BRINP2: variants seen among roughly 807,000 people sequenced by gnomAD.
BRINP2 encodes BMP/retinoic acid inducible neural specific 2.
Under a neutral mutation model 69.2 loss-of-function variants are expected in BRINP2, and 21 were observed. The ratio of observed to expected loss-of-function variants is 0.30; its 90% CI spans 0.22 to 0.44. The LOEUF (loss-of-function observed/expected upper bound fraction) is 0.44, where lower values mean the gene tolerates loss of function less well. Ranked by LOEUF, BRINP2 falls within the 20% of genes least tolerant of loss-of-function variation. BRINP2 has a pLI of 1.00. For synonymous variants in BRINP2, 380 were observed against 394.1 expected, an observed-to-expected ratio of 0.96 and a Z score of 0.42; for missense variants, 877 against 986.0, an observed-to-expected ratio of 0.89 and a Z score of 1.48.
chr1:177,215,346 A>G (rs1649344992), intron 1 of BRINP2, among the ~76,000 whole-genome samples: 1 of 152,220 alleles, frequency 6.6e-6, no homozygotes, highest in African/African-American at 2.4e-5. Flanking sequence ...TTTGAGTAGT[A>G]TGGACATTTT....
intron 4 of BRINP2, among the ~76,000 whole-genome samples, chr1:177,271,714 C>G (rs1270148927): frequency 6.6e-6 from 1 of 152,204 alleles, no homozygotes; most frequent in Non-Finnish European, 1.5e-5. Flanking sequence ...CCTGCTGCCT[C>G]TCATGCTCTG....
At chr1:177,215,064 C>T (rs1558162339) in intron 1 of BRINP2, among the ~76,000 whole-genome samples, 1 of 152,180 alleles carries the variant, frequency 6.6e-6, no homozygotes. Flanking sequence ...CCCAGTCTCC[C>T]CAGTCTTCAG....
chr1:177,260,931 A>G lies in BRINP2; in HGVS notation c.669+3547A>G, dbSNP rs535044686. Among the ~76,000 whole-genome samples the G allele has an allele frequency of 1.4e-4, 21 of 152,324 alleles. No homozygotes were observed. In the South Asian group the frequency reaches 4.1e-3, roughly 30 times the overall value. Reference sequence around the variant, plus strand: ...CATAATATCTCTGAGGTACACCTGTATAATGCCAGGTGGGATGAATGGTAT... The same window carrying G: ...CATAATATCTCTGAGGTACACCTGTGTAATGCCAGGTGGGATGAATGGTAT... On this transcript the variant is annotated intron_variant, in intron 4 of 7. Transcript: ENST00000361539.
At chr1:177,200,915 G>T (rs961205129) in intron 1 of BRINP2, among the ~76,000 whole-genome samples, 4 of 152,146 alleles carry the variant, frequency 2.6e-5, no homozygotes, top group Non-Finnish European at 5.9e-5. Context: ...TTATAAAACA[G>T]GTATTGTAAG....
intron 2 of BRINP2, among the ~76,000 whole-genome samples, chr1:177,249,516 A>G (rs898546983): frequency 4.6e-5 from 7 of 152,226 alleles, no homozygotes; most frequent in African/African-American, 1.7e-4. Flanking sequence ...TTGCTTTCTC[A>G]GACTGTTTAC....
At chr1:177,213,912 A>C (rs1649299504) in intron 1 of BRINP2, among the ~76,000 whole-genome samples, 1 of 152,260 alleles carries the variant, frequency 6.6e-6, no homozygotes, top group Non-Finnish European at 1.5e-5. Flanking sequence ...CTTAAAAGGA[A>C]AGAAATGGGA....
At chr1:177,259,725 G>A (rs1650885326) in intron 4 of BRINP2, among the ~76,000 whole-genome samples, 1 of 152,098 alleles carries the variant, frequency 6.6e-6, no homozygotes, top group Admixed American at 6.5e-5. Context: ...TCTATAAATG[G>A]AACAATCCAG....
At chr1:177,233,297 T>G (rs1013191136) in intron 2 of BRINP2, among the ~76,000 whole-genome samples, 4 of 152,200 alleles carry the variant, frequency 2.6e-5, no homozygotes, top group Admixed American at 2.6e-4. Flanking sequence ...AGCTGCAACT[T>G]TCTACCTGTA....
chr1:177,273,549 G>T lies in BRINP2; in HGVS notation c.731G>T (p.Ser244Ile), dbSNP rs1213809934. The T allele has an allele frequency of 6.2e-6, 10 of 1,609,100 alleles. No homozygotes were observed. The highest frequency in any genetic ancestry group is 3.3e-5 in the South Asian group (3 of 90,464). Residue 244 changes from serine to isoleucine, a missense_variant, in exon 5 of 8, where the codon AGT becomes ATT. By Grantham distance (142) the Ser-to-Ile change is moderately radical (BLOSUM62 -2). Around this residue, in one of 3 missense-constraint regions of BRINP2, gnomAD observed 566 missense variants for 625.2 expected, o/e 0.91. Transcript: ENST00000361539. ...AACTATGACAATCTGGACTCAGTCA[G>T]TTCTGTCTTGGTACAGAGTCCAGAG... ...CSNYDNLDSVSSVLVQSPENK... is the reference protein window; with the variant it reads ...CSNYDNLDSVISVLVQSPENK...
chr1:177,176,512 CATTATTATTATTATTATTATTATT>C (rs3041971), intron 1 of BRINP2, among the ~76,000 whole-genome samples: 5 of 143,146 alleles, frequency 3.5e-5, no homozygotes, highest in African/African-American at 1.3e-4. Flanking sequence ...AAGTGGCTGG[CATTATTATTATTATTATTATTATT>C]ATTATTATTA....
chr1:177,207,768 C>T (rs1003468812), intron 1 of BRINP2, among the ~76,000 whole-genome samples: 1 of 152,210 alleles, frequency 6.6e-6, no homozygotes, highest in East Asian at 1.9e-4. Context: ...TTTCCCTGCT[C>T]CCTCAAAAAA....
At chr1:177,239,800 A>T (rs540581637) in intron 2 of BRINP2, among the ~76,000 whole-genome samples, 9 of 152,324 alleles carry the variant, frequency 5.9e-5, no homozygotes, top group Non-Finnish European at 8.8e-5. Context: ...ATTTCTAGGT[A>T]TAGCTGTGCA....
chr1:177,195,182 T>G (rs1449451735), intron 1 of BRINP2, among the ~76,000 whole-genome samples: 1 of 152,170 alleles, frequency 6.6e-6, no homozygotes, highest in African/African-American at 2.4e-5. Flanking sequence ...TAAATATAAA[T>G]TATTCTCTCA....
chr1:177,199,229 G>A (rs371407168), intron 1 of BRINP2, among the ~76,000 whole-genome samples: 123 of 152,230 alleles, frequency 8.1e-4, no homozygotes, highest in African/African-American at 2.7e-3. Context: ...AGGAATTGTA[G>A]GCCAAATTTG....
At chr1:177,250,395 C>T (rs1469958182) in intron 2 of BRINP2, among the ~76,000 whole-genome samples, 6 of 152,084 alleles carry the variant, frequency 3.9e-5, no homozygotes, top group Non-Finnish European at 8.8e-5. Context: ...GGCACAATCT[C>T]GGCTCACTCC....
At chr1:177,211,779 A>T (rs541315494) in intron 1 of BRINP2, among the ~76,000 whole-genome samples, 3 of 151,900 alleles carry the variant, frequency 2.0e-5, no homozygotes, top group Non-Finnish European at 4.4e-5. Flanking sequence ...CAGTAAAGTT[A>T]TTTTTTTTCT....
At chr1:177,176,518 T>C (rs1273196362) in intron 1 of BRINP2, among the ~76,000 whole-genome samples, 1 of 90,090 alleles carries the variant, frequency 1.1e-5, no homozygotes, top group South Asian at 2.8e-4. Flanking sequence ...CTGGCATTAT[T>C]ATTATTATTA....
At chr1:177,183,158 T>TTC (rs1648314525) in intron 1 of BRINP2, among the ~76,000 whole-genome samples, 1 of 146,068 alleles carries the variant, frequency 6.8e-6, no homozygotes, top group Non-Finnish European at 1.5e-5. Flanking sequence ...TTTTTTTTTT[T>TTC]TTTTCTTTTT....
intron 1 of BRINP2, among the ~76,000 whole-genome samples, chr1:177,203,103 T>C (rs1648970261): frequency 6.6e-6 from 1 of 151,994 alleles, no homozygotes; most frequent in Non-Finnish European, 1.5e-5. Context: ...ATAGACTGGA[T>C]TAAGAAAATG....
Sources: gnomAD v4.1 joint callset for allele counts (sites outside exome capture counted in the v4.1 genomes callset) on GRCh38, gnomAD v4.1.1 for gene constraint, gnomAD v4.1.1 regional missense constraint, MANE v1.5 for transcripts, NCBI Gene and HGNC (gene_info 2026-07-23, HGNC 2026-07-21) for gene names.